Variants in CPA1 observed in about 807,000 individuals in gnomAD.
CPA1 encodes carboxypeptidase A1 (pancreatic).
In CPA1, 42 loss-of-function variants were observed where a neutral mutation model predicts 48.7. The ratio of observed to expected loss-of-function variants is 0.86; its 90% CI spans 0.67 to 1.11. CPA1 has a LOEUF of 1.11. CPA1 is among the 50% of genes most tolerant of loss of function. CPA1 has a pLI of 0.00. For missense variants in CPA1, 477 were observed against 544.7 expected, an observed-to-expected ratio of 0.88 and a Z score of 1.24; for synonymous variants, 203 against 217.9, an observed-to-expected ratio of 0.93 and a Z score of 0.60.
In CPA1 at chr7:130,380,557, G is replaced by T; in HGVS notation, c.37G>T (p.Ala13Ser). 7.6e-7 allele frequency: 1 copy of T among 1,316,986 alleles called. No individual in the cohort carries two copies. Among genetic ancestry groups the T allele is most frequent in the Middle Eastern group, 2.0e-4 (1 of 4,924 alleles). The allele number at this position is 1,316,986 out of a possible 1,614,324, so 81.6% of individuals were successfully genotyped here. Reference sequence around the variant, plus strand: ...GCTGGTGTTGAGTGTCCTGTTGGGGGCTGTCTTTGGCAAGGAGGACTTTGT... The same window carrying T: ...GCTGGTGTTGAGTGTCCTGTTGGGGTCTGTCTTTGGCAAGGAGGACTTTGT... ...GLLVLSVLLG[A>S]VFGKEDFVGH... is the part of the protein sequence containing the mutation. Residue 13 changes from alanine (A) to serine (S), a missense_variant, in exon 1 of 10, where the codon GCT (alanine) becomes TCT (serine). By Grantham distance (99) the Ala-to-Ser change is moderately conservative. Coordinates refer to ENST00000011292, the MANE Select transcript of CPA1 (RefSeq NM_001868.4).
At position 130,385,858 on chromosome 7, in the gene CPA1, C is replaced by T; in HGVS notation, c.1007C>T (p.Ala336Val). ...QDELDQLSKA[A>V]VTALASLYGT... ...GTCCAGGATCAGCTTTCCAAGGCTGCTGTGACAGCCCTGGCCTCTCTCTAC... is the reference window on the plus strand; with the variant it reads ...GTCCAGGATCAGCTTTCCAAGGCTGTTGTGACAGCCCTGGCCTCTCTCTAC... The change falls in exon 9 of 10, where the codon GCT becomes GTT. Residue 336 changes from alanine (A) to valine (V), a missense_variant. Coordinates refer to ENST00000011292, the MANE Select transcript of CPA1 (RefSeq NM_001868.4). The T allele has an allele frequency of 1.2e-6, 2 of 1,614,028 alleles. No individual in the cohort carries two copies. The highest frequency in any genetic ancestry group is 2.2e-5 in the East Asian group (1 of 44,884).
chr7:130,385,179 C>T lies in CPA1; in HGVS notation c.821C>T (p.Thr274Ile). 6.2e-7 allele frequency: 1 copy of T among 1,614,224 alleles called. No homozygotes were observed. Among genetic ancestry groups the T allele is most frequent in the Non-Finnish European group, 8.5e-7 (1 of 1,180,048 alleles). The change falls in exon 8 of 10, where the codon ACT becomes ATT. Residue 274 changes from threonine to isoleucine, a missense_variant. Physicochemically the swap from Thr to Ile is moderately conservative, Grantham distance 89 (BLOSUM62 -1). Transcript: ENST00000011292. ...GCCAGCAGTAACCCCTGCTCGGAGA[C>T]TTACCACGGCAAGTTTGCCAATTCC... ...SGASSNPCSETYHGKFANSEV... is the reference protein window; with the variant it reads ...SGASSNPCSEIYHGKFANSEV...
intron 7 of CPA1, 152 bp downstream of exon 7, chr7:130,384,778 G>A (rs1388130660): frequency 3.0e-6 from 2 of 667,116 alleles, no homozygotes; most frequent in Non-Finnish European, 2.6e-6. Flanking sequence ...GATGGAGGCT[G>A]TGCTCTGAGA....
intron 5 of CPA1, 29 bp downstream of exon 5, chr7:130,383,521 C>T (rs374288271): frequency 2.3e-5 from 37 of 1,585,858 alleles, no homozygotes; most frequent in South Asian, 1.9e-4. Context: ...GGAGGGCTCT[C>T]ACCTGGTGGG....
rs1328993567 is a variant in CPA1 at position 130,387,640 on chromosome 7, G to C, written c.1073-184G>C. ...TCTCCTCTTTGGACCTCTTGGCTTAGACCTTTTAGTGGGAGTTTCTTGGAA... is the reference window on the plus strand; with the variant it reads ...TCTCCTCTTTGGACCTCTTGGCTTACACCTTTTAGTGGGAGTTTCTTGGAA... On this transcript the variant is annotated intron_variant, in intron 9 of 9. Coordinates refer to ENST00000011292, the MANE Select transcript of CPA1 (RefSeq NM_001868.4). This position sits in a 1 kb window ranked among gnomAD's most constrained non-coding sequence, Gnocchi z 4.6. Among the ~76,000 whole-genome samples, 10 of 152,208 alleles carry C rather than the reference G, an allele frequency of 6.6e-5. No individual in the cohort carries two copies. Among genetic ancestry groups the C allele is most frequent in the African/African-American group, 2.2e-4 (9 of 41,466 alleles).
rs781840776 is a variant in CPA1 at position 130,381,686 on chromosome 7, C to T, written c.204C>T (p.Pro68=). The T allele has an allele frequency of 9.3e-6, 15 of 1,614,014 alleles. 1 individual carries two copies. The South Asian group carries it at 1.6e-4, about 18-fold the overall frequency. ...GCTCCCCCATCGACGTCCGAGTGCC[C>T]TTCCCCAGCATCCAGGCGGTCAAGA... ...HPGSPIDVRV[P]FPSIQAVKIF... is the part of the protein sequence containing the mutation. The change falls in exon 3 of 10, where the codon CCC becomes CCT. Residue 68 remains proline, a synonymous_variant. Transcript: ENST00000011292.
At chr7:130,383,871 A>C in intron 6 of CPA1, 77 bp downstream of exon 6, 1 of 1,068,348 alleles carries the variant, frequency 9.4e-7, no homozygotes, top group Non-Finnish European at 1.5e-6. Flanking sequence ...TTCACCCCTA[A>C]TCTCAAGCCC....
At chr7:130,386,413 T>A (rs1203602026) in intron 9 of CPA1, among the ~76,000 whole-genome samples, 3 of 151,928 alleles carry the variant, frequency 2.0e-5, no homozygotes, top group Non-Finnish European at 4.4e-5. Context: ...GCGCCTGTAG[T>A]CCCAGCTACT....
In CPA1 at chr7:130,387,973, C is replaced by T; in HGVS notation, c.1222C>T (p.Leu408=). Residue 408 remains leucine (L), a synonymous_variant, in exon 10 of 10, where the codon CTG becomes TTG. Transcript: ENST00000011292. The surrounding 1 kb of genome is among the most constrained non-coding windows in gnomAD (Gnocchi z 4.6). ...PTAKETWLAL[L]TIMEHTLNHP... ...AGCCAAGGAGACGTGGCTGGCGCTT[C>T]TGACCATCATGGAGCACACCCTGAA... 6.2e-7 allele frequency: 1 copy of T among 1,614,110 alleles called. No homozygotes were observed. Among genetic ancestry groups the T allele is most frequent in the East Asian group, 2.2e-5 (1 of 44,874 alleles).
intron 8 of CPA1, 62 bp downstream of exon 8, chr7:130,385,407 T>TC (rs1298593433): frequency 4.0e-6 from 6 of 1,491,770 alleles, no homozygotes; most frequent in Non-Finnish European, 4.7e-6. Context: ...GCCCAGGCTT[T>TC]CCCCCATCAG....
chr7:130,384,161 C>G (rs1330619417), intron 6 of CPA1: 1 of 430,790 alleles, frequency 2.3e-6, no homozygotes, highest in East Asian at 4.5e-5. Flanking sequence ...CTTCCTGGTC[C>G]TACTTCTATT....
Position 130,384,555 on chromosome 7 carries a change from C to T in CPA1, c.716C>T (p.Thr239Ile). Reference protein sequence around the residue: ...THSTNRMWRKTRSHTAGSLCI... With the variant: ...THSTNRMWRKIRSHTAGSLCI... ...CCTCAGAATCGCATGTGGCGCAAGA[C>T]TCGGTCCCACACAGCAGGCTCCCTC... The change falls in exon 7 of 10, where the codon ACT (threonine) becomes ATT (isoleucine). Residue 239 changes from threonine (T) to isoleucine (I), a missense_variant. Coordinates refer to ENST00000011292, the MANE Select transcript of CPA1 (RefSeq NM_001868.4). 1 of 1,614,224 alleles carries T rather than the reference C, an allele frequency of 6.2e-7. No individual in the cohort carries two copies.
Position 130,381,790 on chromosome 7 carries a change from A to G in CPA1, c.308A>G (p.Gln103Arg), listed in dbSNP as rs1387498138. The change falls in exon 3 of 10, where the codon CAG becomes CGG. Residue 103 changes from glutamine (Q) to arginine (R), a missense_variant. Gln to Arg is a conservative substitution (Grantham distance 43). Transcript: ENST00000011292. ...VQSLLDEEQE[Q>R]MFAFRSRARS... ...TCGCTGCTGGACGAGGAGCAGGAGC[A>G]GATGTTCGCCTTCCGGTCCCGGGCG... 6.8e-6 allele frequency: 11 copies of G among 1,614,000 alleles called. No individual in the cohort carries two copies. Among genetic ancestry groups the G allele is most frequent in the Admixed American group, 1.7e-5 (1 of 60,012 alleles).
chr7:130,383,595 C>G (rs868964345), intron 5 of CPA1, 89 bp from the exon 6 acceptor site: 4 of 1,417,782 alleles, frequency 2.8e-6, no homozygotes, highest in South Asian at 2.4e-5. Flanking sequence ...GCAGTGACCA[C>G]AGAGGACATG....
In CPA1 at chr7:130,387,446, C is replaced by T. The variant is rs1796490689; in HGVS notation, c.1073-378C>T. 6.6e-6 allele frequency among the ~76,000 whole-genome samples: 1 copy of T among 152,224 alleles called. No individual in the cohort carries two copies. The highest frequency in any genetic ancestry group is 1.5e-5 in the Non-Finnish European group (1 of 68,042). ...GACTCTGGCTCTTTGCACTTTCCCC[C>T]TCACAGACCAGAGCCCCAGGGGAAC... On this transcript the variant is annotated intron_variant, in intron 9 of 9. Transcript: ENST00000011292. This position sits in a 1 kb window ranked among gnomAD's most constrained non-coding sequence, Gnocchi z 4.6.
intron 9 of CPA1, 128 bp downstream of exon 9, chr7:130,386,051 G>A: frequency 1.4e-6 from 1 of 739,206 alleles, no homozygotes; most frequent in Non-Finnish European, 2.3e-6. Flanking sequence ...GCTGGCAAGG[G>A]CTATTCTGAG....
chr7:130,384,719 A>G (rs1272182796), intron 7 of CPA1, 93 bp downstream of exon 7: 1 of 1,088,288 alleles, frequency 9.2e-7, no homozygotes, highest in African/African-American at 1.5e-5. Context: ...CTGCCCCTGC[A>G]GTGAGGGGAG....
chr7:130,385,838 G>A lies in CPA1; in HGVS notation c.988-1G>A, dbSNP rs782231788. 8 of 1,613,680 alleles carry A rather than the reference G, an allele frequency of 5.0e-6. No homozygotes were observed. The highest frequency in any genetic ancestry group is 5.9e-6 in the Non-Finnish European group (7 of 1,179,790). On this transcript the variant is annotated splice_acceptor_variant, in intron 8 of 9. Coordinates refer to ENST00000011292, the MANE Select transcript of CPA1 (RefSeq NM_001868.4). LOFTEE classifies it high-confidence loss of function. ...GTGGCTTTGCTTGGTGTTTTGTCCA[G>A]GATCAGCTTTCCAAGGCTGCTGTGA...
At chr7:130,382,630 A>ATTTT (rs34457825) in intron 4 of CPA1, among the ~76,000 whole-genome samples, 20 of 74,382 alleles carry the variant, frequency 2.7e-4, no homozygotes, top group South Asian at 5.0e-4. Flanking sequence ...TGCCCGGGTA[A>ATTTT]TTTTTTTTTT....
Sources: gnomAD v4.1 joint callset for allele counts (sites outside exome capture counted in the v4.1 genomes callset) on GRCh38, gnomAD v4.1.1 for gene constraint, Gnocchi (gnomAD v3.1) non-coding constraint, MANE v1.5 for transcripts, NCBI Gene and HGNC (gene_info 2026-07-23, HGNC 2026-07-21) for gene names.